HUWE1: variants seen among roughly 807,000 people sequenced by gnomAD.
HUWE1 encodes HECT, UBA and WWE domain containing E3 ubiquitin protein ligase 1.
A neutral mutation model predicts 299.4 loss-of-function variants in HUWE1; 18 were observed. That is an observed-to-expected ratio of 0.06 (90% CI 0.04 to 0.09). HUWE1 has a LOEUF of 0.09. Among genes scored for constraint, HUWE1 ranks in the 10% least tolerant of loss-of-function variants. The pLI is 1.00. For missense variants in HUWE1, 1,832 were observed against 3,462.3 expected, an observed-to-expected ratio of 0.53 and a Z score of 11.82; for synonymous variants, 1,317 against 1,286.1, an observed-to-expected ratio of 1.02 and a Z score of -0.51.
chrX:53,681,882 AG>A (rs2070175533), intron 2 of HUWE1, among the ~76,000 whole-genome samples: 1 of 112,280 alleles, frequency 8.9e-6, no homozygotes, highest in Non-Finnish European at 1.9e-5. Context: ...GGTTCTTGAC[AG>A]GAACATTATG....
At chrX:53,535,604 A>G (rs2061004214) in intron 80 of HUWE1, 103 bp from the exon 81 acceptor site, 6 of 566,745 alleles carry the variant, frequency 1.1e-5, no homozygotes, top group Admixed American at 2.3e-5. Context: ...CTAGGCAGAG[A>G]GATGAGGCAA....
chrX:53,611,492 G>GT (rs1381810983), intron 23 of HUWE1, among the ~76,000 whole-genome samples: 1 of 111,882 alleles, frequency 8.9e-6, no homozygotes, highest in Non-Finnish European at 1.9e-5. Context: ...GATGACAGAA[G>GT]TAAGATGAGT....
At chrX:53,647,596 G>A in intron 5 of HUWE1, 22 bp from the exon 6 acceptor site, 1 of 1,122,762 alleles carries the variant, frequency 8.9e-7, no homozygotes, top group South Asian at 1.8e-5. Flanking sequence ...AGGAAAAAGA[G>A]GATGTAAGAA....
chrX:53,651,319 A>G (rs1001433086), intron 4 of HUWE1, among the ~76,000 whole-genome samples: 2 of 111,266 alleles, frequency 1.8e-5, no homozygotes, highest in Non-Finnish European at 3.8e-5. Flanking sequence ...GTGTGTGTGC[A>G]TGATTGTGTG....
chrX:53,674,530 A>C (rs1408286236), intron 3 of HUWE1, among the ~76,000 whole-genome samples: 2 of 112,256 alleles, frequency 1.8e-5, no homozygotes, highest in African/African-American at 3.2e-5. Context: ...ATGAAACAAT[A>C]ATGGTTTGAG....
At chrX:53,655,758 T>C (rs1317268769) in intron 3 of HUWE1, among the ~76,000 whole-genome samples, 2 of 111,843 alleles carry the variant, frequency 1.8e-5, no homozygotes, top group Non-Finnish European at 3.8e-5. Context: ...AAACTGCCCC[T>C]GCTGCAAGAC....
At chrX:53,646,343 C>T (rs1368534032) in intron 6 of HUWE1, among the ~76,000 whole-genome samples, 5 of 110,453 alleles carry the variant, frequency 4.5e-5, no homozygotes, top group East Asian at 5.7e-4. Context: ...TTTTTTGTAG[C>T]GATGGGGTCT....
chrX:53,585,557 C>T (rs1004638833), intron 39 of HUWE1, among the ~76,000 whole-genome samples: 1 of 112,018 alleles, frequency 8.9e-6, no homozygotes, highest in African/African-American at 3.2e-5. Flanking sequence ...GTTATAAAAG[C>T]GAGTTTGGAC....
Position 53,668,848 on chromosome X carries a change from A to G in HUWE1, c.-25+11201T>C, listed in dbSNP as rs367830807. 1.2e-4 allele frequency among the ~76,000 whole-genome samples: 14 copies of G among 112,501 alleles called. No individual in the cohort carries two copies. In the East Asian group the frequency reaches 3.9e-3, roughly 31 times the overall value. On this transcript the variant is annotated intron_variant, in intron 3 of 83. Coordinates refer to ENST00000262854, the MANE Select transcript of HUWE1 (RefSeq NM_031407.7). ...TACCTGCATATGAAGGAGAACATAC[A>G]GTATATACTAATCTCCATACTGTTA...
At chrX:53,652,261 G>A (rs1404843568) in intron 4 of HUWE1, among the ~76,000 whole-genome samples, 1 of 111,460 alleles carries the variant, frequency 9.0e-6, no homozygotes, top group East Asian at 2.8e-4. Context: ...GCCCACTTAA[G>A]ACAAAGTAAA....
In HUWE1 at chrX:53,664,640, A is replaced by G. The variant is rs782025997; in HGVS notation, c.-24-10509T>C. Among the ~76,000 whole-genome samples, 6 of 112,366 alleles carry G rather than the reference A, an allele frequency of 5.3e-5. No individual in the cohort carries two copies. The East Asian group carries it at 1.7e-3, about 31-fold the overall frequency. On this transcript the variant is annotated intron_variant, in intron 3 of 83. Coordinates refer to ENST00000262854, the MANE Select transcript of HUWE1 (RefSeq NM_031407.7). The stretch of plus-strand genomic sequence containing the variant: ...GGCAGTTCTTAAACAAAAAATGCTT[A>G]GAGAAAACTAAACTCCAAAGTACCA...
chrX:53,538,414 G>A lies in HUWE1; in HGVS notation c.11919C>T (p.Ser3973=), dbSNP rs1189766749. 1 of 1,206,828 alleles carries A rather than the reference G, an allele frequency of 8.3e-7. No individual in the cohort carries two copies. The highest frequency in any genetic ancestry group is 1.1e-6 in the Non-Finnish European group (1 of 892,688). The change falls in exon 77 of 84, where the codon TCC becomes TCT. Residue 3973 remains serine, a synonymous_variant. Coordinates refer to ENST00000262854, the MANE Select transcript of HUWE1 (RefSeq NM_031407.7). ...RTVLNQILRQ[S]TTHLADGPFA... ...AAGGCCCATCAGCAAGGTGGGTCGTGGACTGCCGTAGGATCTGGTTTAACA... is the reference window on the plus strand; with the variant it reads ...AAGGCCCATCAGCAAGGTGGGTCGTAGACTGCCGTAGGATCTGGTTTAACA...
intron 3 of HUWE1, among the ~76,000 whole-genome samples, chrX:53,671,411 C>G (rs1356213957): frequency 8.9e-6 from 1 of 112,114 alleles, no homozygotes; most frequent in African/African-American, 3.2e-5. Flanking sequence ...TACTTAAAAT[C>G]ATGAGAAACT....
rs1556941739 is a variant in HUWE1, at chrX:53,562,103, C to G, written c.7338+8G>C. 3 of 1,210,159 alleles carry G rather than the reference C, an allele frequency of 2.5e-6. No homozygotes were observed. ...ATCTGAACCAACCCAAACGCAGTCC[C>G]CCCTCACCTGATCATCTTCCTCATC... On this transcript the variant is annotated splice_region_variant and intron_variant, in intron 54 of 83. Coordinates refer to ENST00000262854, the MANE Select transcript of HUWE1 (RefSeq NM_031407.7).
intron 3 of HUWE1, among the ~76,000 whole-genome samples, chrX:53,656,055 G>C (rs2068728089): frequency 9.1e-6 from 1 of 110,382 alleles, no homozygotes; most frequent in Non-Finnish European, 1.9e-5. Context: ...CTCCAGCCTG[G>C]GCAACAGAGC....
chrX:53,566,065 CTTTATGTGTGTA>C (rs1412030924), intron 49 of HUWE1, among the ~76,000 whole-genome samples: 10 of 94,948 alleles, frequency 1.1e-4, no homozygotes, highest in Non-Finnish European at 2.1e-4. Context: ...CTTTTATCTG[CTTTATGTGTGTA>C]TTTATGTGTG....
At chrX:53,546,369 T>C (rs988181401) in intron 70 of HUWE1, 67 bp downstream of exon 70, 137 of 1,043,714 alleles carry the variant, frequency 1.3e-4, no homozygotes, top group Non-Finnish European at 1.8e-4. Context: ...CAGGAAAGGA[T>C]TCCAGAAAGA....
At chrX:53,579,986 A>T (rs781938913) in intron 43 of HUWE1, 10 of 111,169 alleles carry the variant, frequency 9.0e-5, no homozygotes, top group Admixed American at 2.8e-4. Flanking sequence ...TAAAAAAACA[A>T]ATCCAACAAA....
At chrX:53,655,557 C>G (rs924204900) in intron 3 of HUWE1, among the ~76,000 whole-genome samples, 12 of 112,151 alleles carry the variant, frequency 1.1e-4, no homozygotes, top group African/African-American at 3.6e-4. Context: ...ATGCCTGATG[C>G]CAACAACCTC....
Sources: allele counts gnomAD v4.1 joint callset (sites outside exome capture counted in the v4.1 genomes callset), GRCh38; gene constraint gnomAD v4.1.1; transcripts MANE v1.5; gene names NCBI Gene and HGNC (gene_info 2026-07-23, HGNC 2026-07-21).